KLHL29: variants seen among roughly 807,000 people sequenced by gnomAD.
KLHL29 encodes kelch-like protein 29.
In KLHL29, 21 loss-of-function variants were observed where a neutral mutation model predicts 80.4. The ratio of observed to expected loss-of-function variants is 0.26; its 90% confidence interval spans 0.19 to 0.38. The LOEUF is 0.38. KLHL29 is among the 10% of genes least tolerant of loss of function. The pLI, the probability that KLHL29 is intolerant of heterozygous loss-of-function variation, is 1.00. For missense variants in KLHL29, 867 were observed against 1,223.9 expected, an observed-to-expected ratio of 0.71 and a Z score of 4.35; for synonymous variants, 511 against 526.8, an observed-to-expected ratio of 0.97 and a Z score of 0.41.
intron 5 of KLHL29, among the ~76,000 whole-genome samples, chr2:23,665,801 C>T (rs187307732): frequency 1.8e-4 from 27 of 152,272 alleles, no homozygotes; most frequent in Non-Finnish European, 3.4e-4. Context: ...CTCTCATGAC[C>T]GTGAGAGCTG....
chr2:23,696,303 C>T lies in KLHL29; in HGVS notation c.1925-30C>T, dbSNP rs748587784. The T allele has an allele frequency of 6.5e-6, 10 of 1,548,962 alleles. No homozygotes were observed. The highest frequency in any genetic ancestry group is 2.4e-5 in the East Asian group (1 of 40,902). On this transcript the variant is annotated intron_variant, in intron 10 of 13. Transcript: ENST00000486442. The surrounding 1 kb of genome is among the most constrained non-coding windows in gnomAD (Gnocchi z 5.5). Reference sequence around the variant, plus strand: ...ACCCCAGGCCCCTCCTCACCCCGCCCGCTCTCTCTGCCTCCCACACTGCCT... The same window carrying T: ...ACCCCAGGCCCCTCCTCACCCCGCCTGCTCTCTCTGCCTCCCACACTGCCT...
chr2:23,457,698 A>G lies in KLHL29; in HGVS notation c.-153-17862A>G, dbSNP rs1014277014. On this transcript the variant is annotated intron_variant, in intron 1 of 13. Transcript: ENST00000486442. This position sits in a 1 kb window ranked among gnomAD's most constrained non-coding sequence, Gnocchi z 4.3. ...TGAAAGGTCCCCTCCTTGCCTGGCA[A>G]GACCTATTATCTGGGACTCTAAAGA... is the stretch of plus-strand genomic sequence containing the variant. Among the ~76,000 whole-genome samples the G allele has an allele frequency of 1.1e-4, 16 of 152,180 alleles. No homozygotes were observed. Among genetic ancestry groups the G allele is most frequent in the African/African-American group, 3.9e-4 (16 of 41,436 alleles).
At chr2:23,687,602 G>A (rs1671324960) in intron 6 of KLHL29, among the ~76,000 whole-genome samples, 1 of 152,214 alleles carries the variant, frequency 6.6e-6, no homozygotes. Context: ...AAGGAGACGA[G>A]CAGAGACGAT....
At chr2:23,440,390 G>A (rs866335016) in intron 1 of KLHL29, among the ~76,000 whole-genome samples, 13 of 151,660 alleles carry the variant, frequency 8.6e-5, no homozygotes, top group South Asian at 4.2e-4. Flanking sequence ...AGAAAACCTA[G>A]GCATTACAAT....
chr2:23,451,351 C>T (rs1002280651), intron 1 of KLHL29, among the ~76,000 whole-genome samples: 1 of 152,186 alleles, frequency 6.6e-6, no homozygotes, highest in African/African-American at 2.4e-5. Flanking sequence ...CTTTCTTGTC[C>T]TGTGTTCCCT....
chr2:23,448,980 A>C (rs778368305), intron 1 of KLHL29, among the ~76,000 whole-genome samples: 5 of 152,176 alleles, frequency 3.3e-5, no homozygotes, highest in African/African-American at 4.8e-5. Context: ...ATGGGGAGGA[A>C]GGTCCAATGG....
chr2:23,643,076 G>T (rs759072458), intron 5 of KLHL29: 18 of 685,332 alleles, frequency 2.6e-5, no homozygotes, highest in Non-Finnish European at 4.5e-5. Flanking sequence ...AAAATGCGCC[G>T]GGGTAAGAAG....
intron 1 of KLHL29, among the ~76,000 whole-genome samples, chr2:23,432,586 G>A (rs1663213243): frequency 1.3e-5 from 2 of 152,362 alleles, no homozygotes; most frequent in South Asian, 4.1e-4. Flanking sequence ...TGCAGATTGT[G>A]ATAAGTGCTG....
At chr2:23,548,865 T>G (rs780097823) in intron 2 of KLHL29, among the ~76,000 whole-genome samples, 15 of 152,168 alleles carry the variant, frequency 9.9e-5, no homozygotes, top group Non-Finnish European at 2.1e-4. Flanking sequence ...ATGTGGGCCC[T>G]CCTCTGTTAC....
At chr2:23,498,785 A>G (rs921072115) in intron 2 of KLHL29, among the ~76,000 whole-genome samples, 7 of 152,246 alleles carry the variant, frequency 4.6e-5, no homozygotes, top group Non-Finnish European at 2.9e-5. Context: ...AAATAGTCAC[A>G]TTGACGAGTA....
chr2:23,469,410 G>A (rs377415520), intron 1 of KLHL29, among the ~76,000 whole-genome samples: 1 of 152,228 alleles, frequency 6.6e-6, no homozygotes, highest in African/African-American at 2.4e-5. Flanking sequence ...CATGGGGTTC[G>A]TGTGGCATCT....
chr2:23,513,505 G>A (rs556647498), intron 2 of KLHL29, among the ~76,000 whole-genome samples: 51 of 152,282 alleles, frequency 3.3e-4, no homozygotes, highest in African/African-American at 1.1e-3. Context: ...GGCAGGTTTC[G>A]TTTTGGATGA....
chr2:23,619,509 T>G (rs1286959551), intron 3 of KLHL29, among the ~76,000 whole-genome samples: 1 of 152,124 alleles, frequency 6.6e-6, no homozygotes, highest in Non-Finnish European at 1.5e-5. Context: ...GACACTGATG[T>G]GAGGAAATTA....
chr2:23,523,826 C>T, intron 2 of KLHL29: 1 of 356,616 alleles, frequency 2.8e-6, no homozygotes, highest in Middle Eastern at 3.9e-4. Context: ...TTGTCCCCAG[C>T]AAAGACTCAT....
At chr2:23,386,863 C>A (rs2103378942) in intron 1 of KLHL29, among the ~76,000 whole-genome samples, 1 of 152,174 alleles carries the variant, frequency 6.6e-6, no homozygotes, top group South Asian at 2.1e-4. Flanking sequence ...GACGCGCTGC[C>A]TGCCTGCGGC....
At chr2:23,615,921 C>T (rs187118449) in intron 3 of KLHL29, among the ~76,000 whole-genome samples, 2 of 152,234 alleles carry the variant, frequency 1.3e-5, no homozygotes, top group Admixed American at 1.3e-4. Context: ...CAGATATTCC[C>T]TCCCCAGACC....
intron 5 of KLHL29, among the ~76,000 whole-genome samples, chr2:23,679,722 G>C (rs1433807508): frequency 2.0e-5 from 3 of 152,212 alleles, no homozygotes; most frequent in Non-Finnish European, 4.4e-5. Flanking sequence ...ACAACTCCTA[G>C]TATCGATAAA....
chr2:23,409,043 A>G (rs2103393721), intron 1 of KLHL29, among the ~76,000 whole-genome samples: 1 of 152,278 alleles, frequency 6.6e-6, no homozygotes, highest in South Asian at 2.1e-4. Context: ...AGTTCTGGAC[A>G]CACGTTCCCA....
intron 3 of KLHL29, among the ~76,000 whole-genome samples, chr2:23,614,844 C>T (rs905756131): frequency 3.3e-5 from 5 of 152,080 alleles, no homozygotes; most frequent in Admixed American, 1.3e-4. Flanking sequence ...CAGCAGGGAC[C>T]GCAAAGCCAT....
Sources: allele counts gnomAD v4.1 joint callset (sites outside exome capture counted in the v4.1 genomes callset), GRCh38; gene constraint gnomAD v4.1.1; non-coding constraint Gnocchi (gnomAD v3.1); transcripts MANE v1.5; gene names NCBI Gene and HGNC (gene_info 2026-07-23, HGNC 2026-07-21).